INTS7: variants seen among roughly 807,000 people sequenced by gnomAD.
INTS7 encodes chromosome 1 open reading frame 73.
Under a neutral mutation model 109.2 loss-of-function variants are expected in INTS7, and 46 were observed. The observed-to-expected ratio is 0.42, with a 90% CI of 0.33 to 0.54. INTS7 has a LOEUF of 0.54. INTS7 is among the 20% of genes least tolerant of loss of function. The pLI, the probability that INTS7 is intolerant of heterozygous loss-of-function variation, is 0.07. For synonymous variants in INTS7, 412 were observed against 402.9 expected, an observed-to-expected ratio of 1.02 and a Z score of -0.27; for missense variants, 929 against 1,132.4, an observed-to-expected ratio of 0.82 and a Z score of 2.58.
intron 5 of INTS7, among the ~76,000 whole-genome samples, chr1:212,009,083 C>T (rs968531558): frequency 5.9e-5 from 9 of 152,032 alleles, no homozygotes; most frequent in Non-Finnish European, 1.2e-4. Flanking sequence ...TAGGGAGGCT[C>T]GGAGATTTTA....
intron 17 of INTS7, among the ~76,000 whole-genome samples, chr1:211,952,265 C>A (rs965465080): frequency 6.6e-6 from 1 of 151,974 alleles, no homozygotes; most frequent in Non-Finnish European, 1.5e-5. Context: ...GTGTAGCCTG[C>A]GTTGAGAATT....
chr1:211,998,990 T>G (rs1665537822), intron 7 of INTS7, among the ~76,000 whole-genome samples: 1 of 152,144 alleles, frequency 6.6e-6, no homozygotes, highest in African/African-American at 2.4e-5. Context: ...CAACACAAAG[T>G]GCTGGCAAGG....
chr1:211,976,950 A>G (rs939183349), intron 11 of INTS7, among the ~76,000 whole-genome samples: 2 of 152,248 alleles, frequency 1.3e-5, no homozygotes, highest in Non-Finnish European at 2.9e-5. Context: ...ATATGAATAA[A>G]TTATATAACA....
intron 7 of INTS7, among the ~76,000 whole-genome samples, chr1:212,005,337 T>C (rs1178102721): frequency 6.6e-6 from 1 of 152,158 alleles, no homozygotes; most frequent in South Asian, 2.1e-4. Context: ...GGTTTGCTTT[T>C]GGAAGGTGTA....
intron 12 of INTS7, 21 bp from the exon 13 acceptor site, chr1:211,975,393 GA>G: frequency 1.3e-6 from 2 of 1,590,116 alleles, no homozygotes; most frequent in Non-Finnish European, 8.6e-7. Context: ...AAAAAGAAAA[GA>G]AAAAAGAATA....
intron 1 of INTS7, among the ~76,000 whole-genome samples, chr1:212,025,293 G>C (rs1368018471): frequency 6.6e-6 from 1 of 152,068 alleles, no homozygotes; most frequent in Non-Finnish European, 1.5e-5. Context: ...CAAAACTATA[G>C]GGATAAAAAA....
chr1:211,963,754 A>C (rs6540715), intron 16 of INTS7, among the ~76,000 whole-genome samples: 2,254 of 152,256 alleles, frequency 0.015, 59 homozygotes, highest in African/African-American at 0.05. Flanking sequence ...CATCTCAATC[A>C]ATGCAGAAAA....
At position 211,944,814 on chromosome 1, in the gene INTS7, T is replaced by C. The variant is rs772195264; in HGVS notation, c.2571A>G (p.Thr857=). ...AGTCTTGTCCAGATTTACTCTGCAGTGTGGAAGAAACATTCAGACAGACAG... is the reference window on the plus strand; with the variant it reads ...AGTCTTGTCCAGATTTACTCTGCAGCGTGGAAGAAACATTCAGACAGACAG... The part of the protein sequence containing the change: ...IQSVCLNVSS[T]LQSKSGQDYK... The change falls in exon 19 of 20, where the codon ACA becomes ACG. Residue 857 remains threonine (T), a synonymous_variant. Coordinates refer to ENST00000366994, the MANE Select transcript of INTS7 (RefSeq NM_015434.4). 6.2e-6 allele frequency: 10 copies of C among 1,614,146 alleles called. No homozygotes were observed. In the Admixed American group the frequency reaches 8.3e-5, roughly 13 times the overall value.
chr1:211,986,519 A>G (rs1321646240), intron 8 of INTS7, among the ~76,000 whole-genome samples: 1 of 152,222 alleles, frequency 6.6e-6, no homozygotes, highest in East Asian at 1.9e-4. Flanking sequence ...GGAGCAACCA[A>G]GACCACAGCC....
rs148878162 is a variant in INTS7 at position 211,963,438 on chromosome 1, C to T, written c.2183+2992G>A. Among the ~76,000 whole-genome samples, 1,037 of 152,162 alleles carry T rather than the reference C, an allele frequency of 6.8e-3. 16 individuals are homozygous for T. Among genetic ancestry groups the T allele is most frequent in the African/African-American group, 0.023 (967 of 41,504 alleles). Reference sequence around the variant, plus strand: ...CATAGAAGAGCTGGTACCAGTCCTACTGAAGCTTTTCCAAAAAAATTAAGG... The same window carrying T: ...CATAGAAGAGCTGGTACCAGTCCTATTGAAGCTTTTCCAAAAAAATTAAGG... On this transcript the variant is annotated intron_variant, in intron 16 of 19. Coordinates refer to ENST00000366994, the MANE Select transcript of INTS7 (RefSeq NM_015434.4).
intron 7 of INTS7, among the ~76,000 whole-genome samples, chr1:211,996,979 G>A (rs533094576): frequency 2.0e-5 from 3 of 152,020 alleles, no homozygotes; most frequent in Non-Finnish European, 4.4e-5. Context: ...AGCCGTGATC[G>A]CACCACTGCA....
intron 7 of INTS7, among the ~76,000 whole-genome samples, chr1:211,992,329 A>G (rs1571883086): frequency 6.6e-6 from 1 of 152,142 alleles, no homozygotes; most frequent in East Asian, 1.9e-4. Context: ...ATAAAATGAT[A>G]ATATTAATAA....
rs1664509765 is a variant in INTS7 at position 211,978,386 on chromosome 1, G to C, written c.1356C>G (p.Cys452Trp). The C allele has an allele frequency of 6.2e-7, 1 of 1,614,180 alleles. No homozygotes were observed. Among genetic ancestry groups the C allele is most frequent in the Non-Finnish European group, 8.5e-7 (1 of 1,180,034 alleles). ...QDAARILMCH[C>W]LAAIAMQLPV... Reference sequence around the variant, plus strand: ...GCAGTTGCATGGCAATGGCTGCCAGGCAATGGCACATCAAAATCCGGGCAG... The same window carrying C: ...GCAGTTGCATGGCAATGGCTGCCAGCCAATGGCACATCAAAATCCGGGCAG... The change falls in exon 11 of 20, where the codon TGC (cysteine) becomes TGG (tryptophan). Residue 452 changes from cysteine (C) to tryptophan (W), a missense_variant. This residue lies in a region of INTS7 where 787 missense variants were observed against 901.1 expected (regional missense o/e 0.87). Coordinates refer to ENST00000366994, the MANE Select transcript of INTS7 (RefSeq NM_015434.4).
At chr1:211,968,800 G>C in intron 13 of INTS7, 93 bp from the exon 14 acceptor site, 1 of 872,616 alleles carries the variant, frequency 1.1e-6, no homozygotes, top group Non-Finnish European at 1.7e-6. Flanking sequence ...GTGGTCAAGT[G>C]CAGTAGTTCT....
chr1:211,994,423 CT>C (rs1281380292), intron 7 of INTS7, among the ~76,000 whole-genome samples: 8,260 of 133,484 alleles, frequency 0.062, 245 homozygotes, highest in African/African-American at 0.12. Context: ...AAAAAATTCT[CT>C]TTTTTTTTTT....
chr1:211,941,033 A>G lies in INTS7; in HGVS notation c.*791T>C, dbSNP rs1011688458. Reference sequence around the variant, plus strand: ...TGAACTAATACAGCAGGATGTTTCAATACTGTTAGACTGTGGGCTTTCATA... The same window carrying G: ...TGAACTAATACAGCAGGATGTTTCAGTACTGTTAGACTGTGGGCTTTCATA... On this transcript the variant is annotated 3_prime_UTR_variant, in exon 20 of 20. Transcript: ENST00000366994. The G allele has an allele frequency of 6.6e-6, 1 of 152,262 alleles. No homozygotes were observed. The highest frequency in any genetic ancestry group is 1.9e-4 in the East Asian group (1 of 5,208). 9.4% of individuals were successfully genotyped at this position (152,262 alleles called of 1,614,324 possible).
intron 7 of INTS7, among the ~76,000 whole-genome samples, chr1:212,006,032 C>G (rs1171496271): frequency 6.6e-6 from 1 of 152,046 alleles, no homozygotes; most frequent in Non-Finnish European, 1.5e-5. Flanking sequence ...TTTTAAATAG[C>G]ATTATTTGCA....
intron 5 of INTS7, among the ~76,000 whole-genome samples, chr1:212,010,310 T>C (rs1379379939): frequency 6.6e-6 from 1 of 152,212 alleles, no homozygotes. Flanking sequence ...ACACGTGTAT[T>C]AACCCTATGG....
intron 7 of INTS7, among the ~76,000 whole-genome samples, chr1:211,995,987 G>A (rs1665365908): frequency 6.6e-6 from 1 of 152,056 alleles, no homozygotes; most frequent in Non-Finnish European, 1.5e-5. Context: ...CAGCCCAAAT[G>A]AACTAAGAAA....
Sources: allele counts gnomAD v4.1 joint callset (sites outside exome capture counted in the v4.1 genomes callset), GRCh38; gene constraint gnomAD v4.1.1; regional missense constraint gnomAD v4.1.1; transcripts MANE v1.5; gene names NCBI Gene and HGNC (gene_info 2026-07-23, HGNC 2026-07-21).